The following VPS13A variants were observed in gnomAD, a reference collection of about 807,000 sequenced individuals.
The protein encoded by VPS13A is vacuolar protein sorting 13 homolog A.
In VPS13A, 264 loss-of-function variants were observed where a neutral mutation model predicts 390.9. The observed-to-expected ratio is 0.68, with a 90% CI of 0.61 to 0.75. VPS13A has a LOEUF of 0.75. VPS13A is among the 30% of genes least tolerant of loss of function. VPS13A has a pLI of 0.00. For synonymous variants in VPS13A, 1,231 were observed against 1,227.1 expected (o/e 1.00, Z -0.07); for missense variants, 3,409 against 3,733.9 (o/e 0.91, Z 2.27).
chr9:77,404,990 C>CTTT (rs796595000), intron 69 of VPS13A, among the ~76,000 whole-genome samples: 1 of 146,710 alleles, frequency 6.8e-6, no homozygotes, highest in African/African-American at 2.5e-5. Flanking sequence ...GGAGTCAGAC[C>CTTT]TTTTTTTTTT....
chr9:77,206,870 A>C (rs1416989325), intron 5 of VPS13A, among the ~76,000 whole-genome samples: 1 of 136,534 alleles, frequency 7.3e-6, no homozygotes, highest in African/African-American at 2.9e-5. Context: ...AATAAAAAAT[A>C]ATAAGCTTCA....
intron 19 of VPS13A, among the ~76,000 whole-genome samples, chr9:77,240,770 G>A (rs113499015): frequency 1.5e-4 from 23 of 152,092 alleles, no homozygotes; most frequent in Admixed American, 1.1e-3. Context: ...CACCATGCCC[G>A]TTGCATATTA....
chr9:77,372,791 A>G (rs1156929400), intron 67 of VPS13A, among the ~76,000 whole-genome samples: 1 of 152,270 alleles, frequency 6.6e-6, no homozygotes, highest in Non-Finnish European at 1.5e-5. Flanking sequence ...GCAAAGTCTT[A>G]GGATACAAAA....
At position 77,321,711 on chromosome 9, in the gene VPS13A, C is replaced by A. The variant is rs1034458059; in HGVS notation, c.5795C>A (p.Thr1932Asn). ...TKDNDHFNAM[T>N]SLSSKLFFIL... ...GACAATGATCATTTCAATGCAATGACCAGCCTAAGCAGCAAACTCTTCTTC... is the reference window on the plus strand; with the variant it reads ...GACAATGATCATTTCAATGCAATGAACAGCCTAAGCAGCAAACTCTTCTTC... Residue 1932 changes from threonine to asparagine, a missense_variant, in exon 44 of 72, where the codon ACC becomes AAC. Physicochemically the swap from Thr to Asn is moderately conservative, Grantham distance 65. Around this residue, in one of 5 missense-constraint regions of VPS13A, gnomAD observed 2,717 missense variants for 2,917.4 expected, o/e 0.93. Coordinates refer to ENST00000360280, the MANE Select transcript of VPS13A (RefSeq NM_033305.3). 2.2e-5 allele frequency: 36 copies of A among 1,613,048 alleles called. No individual in the cohort carries two copies. The highest frequency in any genetic ancestry group is 3.0e-5 in the Non-Finnish European group (35 of 1,179,458).
intron 42 of VPS13A, 41 bp from the exon 43 acceptor site, chr9:77,321,128 C>G: frequency 6.4e-7 from 1 of 1,567,382 alleles, no homozygotes; most frequent in Non-Finnish European, 8.8e-7. Flanking sequence ...ATGTTGTGTT[C>G]TTAGAATTTT....
chr9:77,349,079 T>C (rs990671031), intron 52 of VPS13A, among the ~76,000 whole-genome samples: 3 of 152,168 alleles, frequency 2.0e-5, no homozygotes, highest in Non-Finnish European at 4.4e-5. Flanking sequence ...ATAAAAGTAA[T>C]AGTTGTTAAA....
At chr9:77,267,999 T>TGGTG (rs374670514) in intron 23 of VPS13A, among the ~76,000 whole-genome samples, 3 of 152,308 alleles carry the variant, frequency 2.0e-5, no homozygotes, top group African/African-American at 7.2e-5. Flanking sequence ...GCCTCAGCAG[T>TGGTG]GGTGATTCCC....
intron 67 of VPS13A, among the ~76,000 whole-genome samples, chr9:77,373,798 C>A (rs896121906): frequency 6.6e-6 from 1 of 151,490 alleles, no homozygotes; most frequent in Non-Finnish European, 1.5e-5. Flanking sequence ...AAGAAAAAAA[C>A]AAACAACCCC....
chr9:77,190,650 A>G (rs1024933614), intron 1 of VPS13A, among the ~76,000 whole-genome samples: 2 of 152,196 alleles, frequency 1.3e-5, no homozygotes, highest in African/African-American at 2.4e-5. Flanking sequence ...TTTCAATAGG[A>G]TTGGTACCAG....
At chr9:77,186,784 A>G (rs986250227) in intron 1 of VPS13A, among the ~76,000 whole-genome samples, 3 of 152,092 alleles carry the variant, frequency 2.0e-5, no homozygotes, top group African/African-American at 7.2e-5. Context: ...GTACACTTAC[A>G]TTGTGCAACC....
intron 62 of VPS13A, among the ~76,000 whole-genome samples, chr9:77,368,422 T>TA (rs1331184940): frequency 6.6e-6 from 1 of 152,210 alleles, no homozygotes; most frequent in Non-Finnish European, 1.5e-5. Flanking sequence ...CACACTTAAT[T>TA]AAAAAATGGG....
intron 68 of VPS13A, among the ~76,000 whole-genome samples, chr9:77,391,030 T>C (rs1833877670): frequency 6.6e-6 from 1 of 152,204 alleles, no homozygotes; most frequent in Non-Finnish European, 1.5e-5. Context: ...GTACGTTCAA[T>C]TTGAGTCTTA....
chr9:77,380,821 C>T (rs1767550988), intron 67 of VPS13A, among the ~76,000 whole-genome samples: 1 of 152,166 alleles, frequency 6.6e-6, no homozygotes, highest in African/African-American at 2.4e-5. Flanking sequence ...GAGTGTGCTA[C>T]CTAGATCCCT....
At chr9:77,408,702 GCAGT>G (rs1409631069) in intron 71 of VPS13A, among the ~76,000 whole-genome samples, 1 of 152,218 alleles carries the variant, frequency 6.6e-6, no homozygotes, top group Non-Finnish European at 1.5e-5. Context: ...TGCTAGCACA[GCAGT>G]CAGTCTGAGA....
In VPS13A at chr9:77,375,908, T is replaced by C. The variant is rs60774722; in HGVS notation, c.9077+4759T>C. Among the ~76,000 whole-genome samples the C allele has an allele frequency of 9.2e-3, 1,403 of 152,184 alleles. 10 individuals carry two copies. The highest frequency in any genetic ancestry group is 0.014 in the African/African-American group (571 of 41,522). The stretch of plus-strand genomic sequence containing the variant: ...AGCTTACATTCTAGTGGGAGAGTAA[T>C]AGACAAAAATAAGTAACTGATAAAT... On this transcript the variant is annotated intron_variant, in intron 67 of 71. Coordinates refer to ENST00000360280, the MANE Select transcript of VPS13A (RefSeq NM_033305.3).
At chr9:77,224,126 T>TA (rs1457691581) in intron 13 of VPS13A, among the ~76,000 whole-genome samples, 3 of 152,104 alleles carry the variant, frequency 2.0e-5, no homozygotes, top group South Asian at 2.1e-4. Flanking sequence ...TACTGCTCAG[T>TA]AAAAAAAGAT....
At chr9:77,180,816 T>G (rs1027597465) in intron 1 of VPS13A, among the ~76,000 whole-genome samples, 2 of 152,242 alleles carry the variant, frequency 1.3e-5, no homozygotes. Context: ...TCTTGATAAC[T>G]GTGTCTTTGT....
intron 5 of VPS13A, among the ~76,000 whole-genome samples, chr9:77,207,473 G>T (rs1327907994): frequency 1.3e-5 from 2 of 149,756 alleles, no homozygotes; most frequent in Non-Finnish European, 3.0e-5. Context: ...ATATAGTTCT[G>T]TCACATTTTT....
chr9:77,379,065 C>T (rs1385444605), intron 67 of VPS13A, among the ~76,000 whole-genome samples: 1 of 72,364 alleles, frequency 1.4e-5, no homozygotes. Flanking sequence ...ATTTTCAGTC[C>T]TTTTTTTTTT....
Sources: gnomAD v4.1 joint callset for allele counts (sites outside exome capture counted in the v4.1 genomes callset) on GRCh38, gnomAD v4.1.1 for gene constraint, gnomAD v4.1.1 regional missense constraint, MANE v1.5 for transcripts, NCBI Gene and HGNC (gene_info 2026-07-23, HGNC 2026-07-21) for gene names.